TLN1: variants seen among roughly 807,000 people sequenced by gnomAD.
TLN1 encodes talin-1.
A neutral mutation model predicts 292.3 loss-of-function variants in TLN1; 56 were observed. The observed-to-expected ratio is 0.19, with a 90% CI of 0.15 to 0.24. The LOEUF (loss-of-function observed/expected upper bound fraction) is 0.24, where lower values mean the gene tolerates loss of function less well. TLN1 is among the 10% of genes least tolerant of loss of function. The pLI is 1.00. For synonymous variants in TLN1, 1,119 were observed against 1,253.7 expected, an observed-to-expected ratio of 0.89 and a Z score of 2.27; for missense variants, 2,433 against 3,248.2, an observed-to-expected ratio of 0.75 and a Z score of 6.10.
Position 35,699,653 on chromosome 9 carries a change from G to A in TLN1, c.6769-192C>T. On this transcript the variant is annotated intron_variant, in intron 50 of 56. Transcript: ENST00000314888. The surrounding 1 kb of genome is among the most constrained non-coding windows in gnomAD (Gnocchi z 4.0). Reference sequence around the variant, plus strand: ...CACACGTGATAGAGACAGTGGGGCTGTGTCACTCACCGGCTGACAAGGAGC... The same window carrying A: ...CACACGTGATAGAGACAGTGGGGCTATGTCACTCACCGGCTGACAAGGAGC... 1.0e-6 allele frequency: 1 copy of A among 985,420 alleles called. No individual in the cohort carries two copies. Among genetic ancestry groups the A allele is most frequent in the South Asian group, 4.7e-5 (1 of 21,284 alleles). The allele number at this position is 985,420 out of a possible 1,614,324, so 61.0% of individuals were successfully genotyped here.
intron 20 of TLN1, among the ~76,000 whole-genome samples, chr9:35,716,031 C>T (rs1825773513): frequency 6.6e-6 from 1 of 151,906 alleles, no homozygotes; most frequent in African/African-American, 2.4e-5. Flanking sequence ...TCACTATGTA[C>T]CTCATGAATA....
chr9:35,725,975 C>T (rs147786433), intron 1 of TLN1, among the ~76,000 whole-genome samples: 1 of 151,968 alleles, frequency 6.6e-6, no homozygotes, highest in Non-Finnish European at 1.5e-5. Context: ...TACAGTGGTG[C>T]GATCTCAGCT....
chr9:35,719,925 G>A lies in TLN1; in HGVS notation c.1465-72C>T. On this transcript the variant is annotated intron_variant, in intron 13 of 56. Transcript: ENST00000314888. This position sits in a 1 kb window ranked among gnomAD's most constrained non-coding sequence, Gnocchi z 4.6. ...AAAAGAGAAGGTAAAAGAGAACCAG[G>A]GTCTAGGGAGAGAATACAAATAGGG... 1 of 1,576,042 alleles carries A rather than the reference G, an allele frequency of 6.3e-7. No individual in the cohort carries two copies. Among genetic ancestry groups the A allele is most frequent in the Non-Finnish European group, 8.6e-7 (1 of 1,156,494 alleles).
At position 35,704,870 on chromosome 9, in the gene TLN1, C is replaced by T; in HGVS notation, c.5734-55G>A. ...TTACAAGGGGCACTCAGGGTACCTT[C>T]ACTGTGCTTGGAAAAGTCACTAAGG... On this transcript the variant is annotated intron_variant, in intron 43 of 56. Transcript: ENST00000314888. The surrounding 1 kb of genome is among the most constrained non-coding windows in gnomAD (Gnocchi z 6.9). 1 of 1,577,236 alleles carries T rather than the reference C, an allele frequency of 6.3e-7. No homozygotes were observed. Among genetic ancestry groups the T allele is most frequent in the Non-Finnish European group, 8.6e-7 (1 of 1,156,214 alleles).
Position 35,724,369 on chromosome 9 carries a change from C to T in TLN1, c.512-35G>A, listed in dbSNP as rs1024740122. ...AGACAGTCCCCTCAGTGCCAAACCCCCATGGCCCCTGTGCTGTCTGGTCTC... is the reference window on the plus strand; with the variant it reads ...AGACAGTCCCCTCAGTGCCAAACCCTCATGGCCCCTGTGCTGTCTGGTCTC... On this transcript the variant is annotated intron_variant, in intron 5 of 56. Transcript: ENST00000314888. The surrounding 1 kb of genome is among the most constrained non-coding windows in gnomAD (Gnocchi z 4.7). 13 of 1,613,130 alleles carry T rather than the reference C, an allele frequency of 8.1e-6. No individual in the cohort carries two copies. Among genetic ancestry groups the T allele is most frequent in the Non-Finnish European group, 1.1e-5 (13 of 1,179,212 alleles).
Position 35,720,030 on chromosome 9 carries a change from G to T in TLN1, c.1464+9C>A. ...GGCCCTGGCACCGTGGTGGAAGTGG[G>T]ACACTTACCAGAGGAGGCATGTGTC... On this transcript the variant is annotated intron_variant, in intron 13 of 56. Transcript: ENST00000314888. 1 of 1,579,394 alleles carries T rather than the reference G, an allele frequency of 6.3e-7. No individual in the cohort carries two copies. Among genetic ancestry groups the T allele is most frequent in the Admixed American group, 1.8e-5 (1 of 56,202 alleles).
rs903230014 is a variant in TLN1, at chr9:35,699,538, T to C, written c.6769-77A>G. 5 of 1,514,710 alleles carry C rather than the reference T, an allele frequency of 3.3e-6. No individual in the cohort carries two copies. In the Admixed American group the frequency reaches 6.4e-5, roughly 19 times the overall value. 93.8% of individuals were successfully genotyped at this position (1,514,710 alleles called of 1,614,324 possible). A position where few individuals can be genotyped will look rare whatever the true frequency, so the allele number is the denominator to read the frequency against. Reference sequence around the variant, plus strand: ...CTGATCTATGAAATAGGGCAGACCATGGCCCCCTCACCCCTATCCCTAGAG... The same window carrying C: ...CTGATCTATGAAATAGGGCAGACCACGGCCCCCTCACCCCTATCCCTAGAG... On this transcript the variant is annotated intron_variant, in intron 50 of 56. Transcript: ENST00000314888. This position sits in a 1 kb window ranked among gnomAD's most constrained non-coding sequence, Gnocchi z 4.0.
Position 35,724,049 on chromosome 9 carries a change from G to A in TLN1, c.685C>T (p.Pro229Ser). The A allele has an allele frequency of 6.2e-7, 1 of 1,613,952 alleles. No individual in the cohort carries two copies. The highest frequency in any genetic ancestry group is 8.5e-7 in the Non-Finnish European group (1 of 1,179,904). The change falls in exon 7 of 57, where the codon CCT becomes TCT. Residue 229 changes from proline (P) to serine (S), a missense_variant. Physicochemically the swap from Pro to Ser is moderately conservative, Grantham distance 74. Around this residue, in one of 7 missense-constraint regions of TLN1, gnomAD observed 78 missense variants for 88.8 expected, o/e 0.88. Coordinates refer to ENST00000314888, the MANE Select transcript of TLN1 (RefSeq NM_006289.4). This position sits in a 1 kb window ranked among gnomAD's most constrained non-coding sequence, Gnocchi z 4.7. Reference sequence around the variant, plus strand: ...TCACAGGCCTTGTCAAAGGAGACAGGGTGGGAGCCATTCAGGATGTCATCT... The same window carrying A: ...TCACAGGCCTTGTCAAAGGAGACAGAGTGGGAGCCATTCAGGATGTCATCT... ...ARDDILNGSH[P>S]VSFDKACEFA...
chr9:35,720,041 G>C lies in TLN1; in HGVS notation c.1462C>G (p.Leu488Val), dbSNP rs982322527. The change falls in exon 13 of 57, where the codon CTG (leucine) becomes GTG (valine). Residue 488 changes from leucine to valine, a missense_variant and splice_region_variant. Transcript: ENST00000314888. Reference protein sequence around the residue: ...GQMHRGHMPPLTSAQQALTGT... With the variant: ...GQMHRGHMPPVTSAQQALTGT... Reference sequence around the variant, plus strand: ...CGTGGTGGAAGTGGGACACTTACCAGAGGAGGCATGTGTCCTCGGTGCATC... The same window carrying C: ...CGTGGTGGAAGTGGGACACTTACCACAGGAGGCATGTGTCCTCGGTGCATC... 6.3e-7 allele frequency: 1 copy of C among 1,585,282 alleles called. No homozygotes were observed. The highest frequency in any genetic ancestry group is 8.6e-7 in the Non-Finnish European group (1 of 1,165,572).
In TLN1 at chr9:35,707,530, A is replaced by C; in HGVS notation, c.4633-42T>G. The C allele has an allele frequency of 6.2e-7, 1 of 1,605,184 alleles. No homozygotes were observed. Among genetic ancestry groups the C allele is most frequent in the Non-Finnish European group, 8.5e-7 (1 of 1,174,022 alleles). ...GGCTCTCAGGACTTGGGATGCAGTC[A>C]TAGGGGGTATAGGAAGTGAAGTCCA... On this transcript the variant is annotated intron_variant, in intron 35 of 56. Coordinates refer to ENST00000314888, the MANE Select transcript of TLN1 (RefSeq NM_006289.4). The surrounding 1 kb of genome is among the most constrained non-coding windows in gnomAD (Gnocchi z 5.6).
Position 35,697,645 on chromosome 9 carries a change from G to A in TLN1, c.*146C>T. ...GGGAGGGGACAGGGGATGTACTGCG[G>A]GACTGGGCGGGGCCAGGCCCTGGGG... On this transcript the variant is annotated 3_prime_UTR_variant, in exon 57 of 57. Coordinates refer to ENST00000314888, the MANE Select transcript of TLN1 (RefSeq NM_006289.4). 8.1e-7 allele frequency: 1 copy of A among 1,234,018 alleles called. No homozygotes were observed. The highest frequency in any genetic ancestry group is 1.1e-6 in the Non-Finnish European group (1 of 890,938). The allele number at this position is 1,234,018 out of a possible 1,614,324, so 76.4% of individuals were successfully genotyped here. A position where few individuals can be genotyped will look rare whatever the true frequency, so the allele number is the denominator to read the frequency against.
Position 35,698,800 on chromosome 9 carries a change from G to A in TLN1, c.7125+8C>T. On this transcript the variant is annotated splice_region_variant and intron_variant, in intron 53 of 56. Transcript: ENST00000314888. The surrounding 1 kb of genome is among the most constrained non-coding windows in gnomAD (Gnocchi z 5.3). ...TGTCCCCATTCTTCTGGGTATTTAA[G>A]CACTCACCTTCCCTTGGGCCACTAG... 6.2e-7 allele frequency: 1 copy of A among 1,613,906 alleles called. No individual in the cohort carries two copies. The highest frequency in any genetic ancestry group is 1.3e-5 in the African/African-American group (1 of 75,036).
At chr9:35,715,263 A>T in intron 20 of TLN1, 76 bp from the exon 21 acceptor site, 3 of 1,546,788 alleles carry the variant, frequency 1.9e-6, no homozygotes, top group Non-Finnish European at 2.6e-6. Context: ...TCACTCCTCT[A>T]GACTCAGTTT....
chr9:35,710,700 A>T lies in TLN1; in HGVS notation c.4204-17T>A. ...GCCCAGCACCTGAGGAACAGAGGACATCAGGGGAGTCAGAGCATGTCCTCA... is the reference window on the plus strand; with the variant it reads ...GCCCAGCACCTGAGGAACAGAGGACTTCAGGGGAGTCAGAGCATGTCCTCA... On this transcript the variant is annotated splice_polypyrimidine_tract_variant and intron_variant, in intron 32 of 56. Transcript: ENST00000314888. 6.2e-7 allele frequency: 1 copy of T among 1,614,078 alleles called. No homozygotes were observed. The highest frequency in any genetic ancestry group is 8.5e-7 in the Non-Finnish European group (1 of 1,179,930).
chr9:35,705,862 AG>A lies in TLN1; in HGVS notation c.5512-12del. 1 of 1,613,716 alleles carries A rather than the reference AG, an allele frequency of 6.2e-7. No individual in the cohort carries two copies. On this transcript the variant is annotated splice_polypyrimidine_tract_variant and intron_variant, in intron 41 of 56. Coordinates refer to ENST00000314888, the MANE Select transcript of TLN1 (RefSeq NM_006289.4). ...TGGTCCTTCATCTAGCTGAGGGGGGAGGATAGGGAAAGGGAAAGACTGTTAG... is the reference window on the plus strand; with the variant it reads ...TGGTCCTTCATCTAGCTGAGGGGGGAGATAGGGAAAGGGAAAGACTGTTAG...
In TLN1 at chr9:35,718,733, C is replaced by G. The variant is rs1825828951; in HGVS notation, c.1995+79G>C. 5 of 1,287,766 alleles carry G rather than the reference C, an allele frequency of 3.9e-6. No homozygotes were observed. In the Admixed American group the frequency reaches 9.6e-5, roughly 25 times the overall value. 79.8% of individuals were successfully genotyped at this position (1,287,766 alleles called of 1,614,324 possible). ...GTTTTTAGGGGTCAATTCACAGAAGCCAGGACTAGGAACTGGATTCACGAG... is the reference window on the plus strand; with the variant it reads ...GTTTTTAGGGGTCAATTCACAGAAGGCAGGACTAGGAACTGGATTCACGAG... On this transcript the variant is annotated intron_variant, in intron 17 of 56. Coordinates refer to ENST00000314888, the MANE Select transcript of TLN1 (RefSeq NM_006289.4).
chr9:35,731,892 G>C (rs1002799588), intron 1 of TLN1, among the ~76,000 whole-genome samples, 183 bp downstream of exon 1: 3 of 152,002 alleles, frequency 2.0e-5, no homozygotes, highest in Non-Finnish European at 4.4e-5. Flanking sequence ...CTGCTCCCAG[G>C]AAAGGCCTGT....
intron 48 of TLN1, among the ~76,000 whole-genome samples, chr9:35,702,682 G>A (rs535666965): frequency 9.9e-5 from 15 of 151,904 alleles, no homozygotes; most frequent in Admixed American, 8.5e-4. Flanking sequence ...TAGTAGAGAC[G>A]GGGTTTCACC....
At position 35,724,688 on chromosome 9, in the gene TLN1, T is replaced by A. The variant is rs777503374; in HGVS notation, c.395A>T (p.Glu132Val). 1.9e-6 allele frequency: 3 copies of A among 1,614,206 alleles called. 1 individual carries two copies. Among genetic ancestry groups the A allele is most frequent in the South Asian group, 2.2e-5 (2 of 91,084 alleles). ...TTCCTCCTTTTTCTCTTCCATCAGC[T>A]CTCGAACCAATGAATATTCATCATG... ...TNHDEYSLVR[E>V]LMEEKKEEIT... The change falls in exon 5 of 57, where the codon GAG (glutamate) becomes GTG (valine). Residue 132 changes from glutamate (E) to valine (V), a missense_variant. By Grantham distance (121) the Glu-to-Val change is moderately radical (BLOSUM62 -2). Transcript: ENST00000314888. This position sits in a 1 kb window ranked among gnomAD's most constrained non-coding sequence, Gnocchi z 4.7.
Sources: gnomAD v4.1 joint callset for allele counts (sites outside exome capture counted in the v4.1 genomes callset) on GRCh38, gnomAD v4.1.1 for gene constraint, gnomAD v4.1.1 regional missense constraint, Gnocchi (gnomAD v3.1) non-coding constraint, MANE v1.5 for transcripts, NCBI Gene and HGNC (gene_info 2026-07-23, HGNC 2026-07-21) for gene names.